Variants in SRPRB observed in about 807,000 individuals in gnomAD.
The protein encoded by SRPRB is signal recognition particle receptor subunit beta.
Under a neutral mutation model 31.9 loss-of-function variants are expected in SRPRB, and 20 were observed. The ratio of observed to expected loss-of-function variants is 0.63; its 90% CI spans 0.44 to 0.91. The LOEUF (loss-of-function observed/expected upper bound fraction) is 0.91. SRPRB is among the 40% of genes least tolerant of loss of function. SRPRB has a pLI of 0.00. For missense variants in SRPRB, 321 were observed against 324.9 expected, an observed-to-expected ratio of 0.99 and a Z score of 0.09; for synonymous variants, 146 against 132.8, an observed-to-expected ratio of 1.10 and a Z score of -0.68.
downstream of SRPRB, chr3:133,825,979 T>C (rs1935555993): frequency 6.6e-6 from 1 of 152,222 alleles, no homozygotes; most frequent in Non-Finnish European, 1.5e-5. Flanking sequence ...AACAGTTTAT[T>C]ATGGAACCTT....
At position 133,821,060 on chromosome 3, in the gene SRPRB, G is replaced by A. The variant is rs1576386957; in HGVS notation, c.*1294G>A. On this transcript the variant is annotated 3_prime_UTR_variant, in exon 7 of 7. Transcript: ENST00000678299. ...CCCACCTGGCCTTGAGGATCAGGGG[G>A]AGTCAAAGGATAAAGCATGGGGCTG... 1 of 152,460 alleles carries A rather than the reference G, an allele frequency of 6.6e-6. No homozygotes were observed. The highest frequency in any genetic ancestry group is 2.1e-4 in the South Asian group (1 of 4,832). The allele number at this position is 152,460 out of a possible 1,614,324, so 9.4% of individuals were successfully genotyped here. A position where few individuals can be genotyped will look rare whatever the true frequency, so the allele number is the denominator to read the frequency against.
chr3:133,804,087 C>T (rs1418783979), upstream of SRPRB, among the ~76,000 whole-genome samples: 2 of 109,430 alleles, frequency 1.8e-5, no homozygotes, highest in African/African-American at 4.1e-5. Flanking sequence ...CAGAGCGAGA[C>T]TCTGTCTCAA....
intron 1 of SRPRB, chr3:133,795,089 A>C (rs1309908545): frequency 2.0e-5 from 3 of 152,242 alleles, no homozygotes; most frequent in South Asian, 2.1e-4. Flanking sequence ...GGCTAAACAG[A>C]AGAGTATCTG....
chr3:133,826,045 A>G (rs1935556967), downstream of SRPRB: 1 of 152,268 alleles, frequency 6.6e-6, no homozygotes, highest in Non-Finnish European at 1.5e-5. Flanking sequence ...CCTGCTCAAG[A>G]CAAAAATCAG....
chr3:133,802,337 AGT>A (rs1290374812), upstream of SRPRB, among the ~76,000 whole-genome samples: 1 of 152,178 alleles, frequency 6.6e-6, no homozygotes, highest in East Asian at 1.9e-4. Flanking sequence ...TGAGCCCAGG[AGT>A]TCCAGGTTAC....
At chr3:133,794,620 C>G (rs1934921836) in intron 1 of SRPRB, 1 of 152,244 alleles carries the variant, frequency 6.6e-6, no homozygotes, top group African/African-American at 2.4e-5. Context: ...ATCCACACTA[C>G]AGCAAAACTT....
At chr3:133,811,252 A>G in intron 4 of SRPRB, 53 bp downstream of exon 4, 1 of 1,569,590 alleles carries the variant, frequency 6.4e-7, no homozygotes, top group Non-Finnish European at 8.8e-7. Context: ...CTGTATATCA[A>G]AGCCACTCAT....
chr3:133,803,892 C>T (rs972601287), upstream of SRPRB, among the ~76,000 whole-genome samples: 62 of 151,228 alleles, frequency 4.1e-4, no homozygotes, highest in Non-Finnish European at 7.1e-4. Flanking sequence ...GTTAGGAGAT[C>T]GAGACCATCC....
chr3:133,823,932 G>C (rs1576388039), downstream of SRPRB, among the ~76,000 whole-genome samples: 1 of 152,182 alleles, frequency 6.6e-6, no homozygotes, highest in Non-Finnish European at 1.5e-5. Context: ...GGGGATGAAG[G>C]AATATATCGT....
rs1935161349 is a variant in SRPRB at position 133,806,417 on chromosome 3, AAGTTGAC to A, written c.155-181_155-175del. ...CAGTCAGAGTAAGGACTGCAAAGAA[AAGTTGAC>A]AGTTGACAGTGCCTGGCTCTCAGTG... On this transcript the variant is annotated intron_variant, in intron 1 of 6. Coordinates refer to ENST00000678299, the MANE Select transcript of SRPRB (RefSeq NM_001379313.1). 4 of 563,402 alleles carry A rather than the reference AAGTTGAC, an allele frequency of 7.1e-6. No homozygotes were observed. The African/African-American group carries it at 7.5e-5, about 11-fold the overall frequency. The allele number at this position is 563,402 out of a possible 1,614,324, so 34.9% of individuals were successfully genotyped here.
intron 1 of SRPRB, among the ~76,000 whole-genome samples, chr3:133,806,261 G>T (rs914027415): frequency 6.6e-6 from 1 of 152,210 alleles, no homozygotes; most frequent in African/African-American, 2.4e-5. Flanking sequence ...GCCCTGTTAC[G>T]CTTGAGCGCG....
upstream of SRPRB, among the ~76,000 whole-genome samples, chr3:133,804,111 AAAAAAG>A (rs1935107444): frequency 6.6e-6 from 1 of 150,406 alleles, no homozygotes; most frequent in African/African-American, 2.4e-5. Context: ...AAAAAAAAAA[AAAAAAG>A]AAAAAAGAAA....
At chr3:133,818,455 TCTGA>T (rs1935404654) in intron 6 of SRPRB, among the ~76,000 whole-genome samples, 1 of 152,224 alleles carries the variant, frequency 6.6e-6, no homozygotes. Flanking sequence ...AAATTCGGAA[TCTGA>T]CTAATTTTAA....
upstream of SRPRB, among the ~76,000 whole-genome samples, chr3:133,805,197 A>T (rs1935127898): frequency 6.6e-6 from 1 of 152,176 alleles, no homozygotes; most frequent in African/African-American, 2.4e-5. Context: ...TAATGCAGAC[A>T]TTTGAGTTTG....
At chr3:133,813,062 C>T (rs1443558087) in intron 4 of SRPRB, among the ~76,000 whole-genome samples, 1 of 152,154 alleles carries the variant, frequency 6.6e-6, no homozygotes, top group Non-Finnish European at 1.5e-5. Flanking sequence ...AGTGCAGAGT[C>T]CTGGGTGGCA....
chr3:133,788,449 A>ATGTTG, intron 1 of SRPRB: 1 of 152,196 alleles, frequency 6.6e-6, no homozygotes, highest in East Asian at 1.9e-4. Context: ...GCGTACTTTC[A>ATGTTG]TTTCATAAAT....
Position 133,820,774 on chromosome 3 carries a change from A to G in SRPRB, c.*1008A>G, listed in dbSNP as rs761514863. On this transcript the variant is annotated 3_prime_UTR_variant, in exon 7 of 7. Coordinates refer to ENST00000678299, the MANE Select transcript of SRPRB (RefSeq NM_001379313.1). ...AAAACAGCCTGTCTGGCTCAAAGCA[A>G]TTAAATAGAATGTAATGGTGAGTAC... 1.7e-4 allele frequency: 26 copies of G among 152,228 alleles called. No homozygotes were observed. Among genetic ancestry groups the G allele is most frequent in the Admixed American group, 5.9e-4 (9 of 15,290 alleles). 9.4% of individuals were successfully genotyped at this position (152,228 alleles called of 1,614,324 possible).
chr3:133,819,936 T>C lies in SRPRB; in HGVS notation c.*170T>C, dbSNP rs1462640850. The C allele has an allele frequency of 4.8e-6, 3 of 629,878 alleles. No homozygotes were observed. The highest frequency in any genetic ancestry group is 8.1e-6 in the Non-Finnish European group (3 of 371,384). The allele number at this position is 629,878 out of a possible 1,614,324, so 39.0% of individuals were successfully genotyped here. A position where few individuals can be genotyped will look rare whatever the true frequency, so the allele number is the denominator to read the frequency against. ...GCTTGGAATTTTTTTTTTTTTTTTT[T>C]TTAAGTTCAGTTCTCCCTTATGGCT... On this transcript the variant is annotated 3_prime_UTR_variant, in exon 7 of 7. Coordinates refer to ENST00000678299, the MANE Select transcript of SRPRB (RefSeq NM_001379313.1).
At chr3:133,818,777 AC>A (rs1170816753) in intron 6 of SRPRB, among the ~76,000 whole-genome samples, 3 of 141,264 alleles carry the variant, frequency 2.1e-5, no homozygotes, top group African/African-American at 8.2e-5. Flanking sequence ...TTTTAAAAAT[AC>A]TTTTACAGTG....
Sources: allele counts gnomAD v4.1 joint callset (sites outside exome capture counted in the v4.1 genomes callset), GRCh38; gene constraint gnomAD v4.1.1; transcripts MANE v1.5; gene names NCBI Gene and HGNC (gene_info 2026-07-23, HGNC 2026-07-21).